Variants in ARMH4 observed in about 807,000 individuals in gnomAD.
ARMH4 encodes the protein armadillo like helical domain containing 4, also known as armadillo-like helical domain-containing protein 4.
A neutral mutation model predicts 61.9 loss-of-function variants in ARMH4; 49 were observed. The observed-to-expected ratio is 0.79, with a 90% CI of 0.63 to 1.00. The LOEUF is 1.00. ARMH4 is among the 50% of genes least tolerant of loss of function. The pLI is 0.00. For missense variants in ARMH4, 934 were observed against 930.0 expected (o/e 1.00, Z -0.06); for synonymous variants, 368 against 341.5 (o/e 1.08, Z -0.85).
At chr14:58,007,851 A>C (rs1882236812) in intron 6 of ARMH4, among the ~76,000 whole-genome samples, 1 of 152,216 alleles carries the variant, frequency 6.6e-6, no homozygotes, top group South Asian at 2.1e-4. Context: ...CCTGAATCTA[A>C]TCATGAGAAA....
At chr14:58,084,320 T>C (rs1195381999) in intron 5 of ARMH4, among the ~76,000 whole-genome samples, 7 of 152,216 alleles carry the variant, frequency 4.6e-5, no homozygotes, top group African/African-American at 1.4e-4. Flanking sequence ...TGCTGGATCC[T>C]GAGCTGTTAG....
chr14:58,087,107 G>T (rs577237796), intron 5 of ARMH4, among the ~76,000 whole-genome samples: 2 of 152,236 alleles, frequency 1.3e-5, no homozygotes, highest in Admixed American at 1.3e-4. Flanking sequence ...CTAATTTCCT[G>T]ATTTAAATCT....
chr14:58,098,323 A>T (rs1337123850), intron 4 of ARMH4, among the ~76,000 whole-genome samples: 6 of 152,192 alleles, frequency 3.9e-5, no homozygotes, highest in Non-Finnish European at 5.9e-5. Flanking sequence ...TAAAAATTCA[A>T]CAAATATGTA....
At chr14:58,046,658 G>C (rs1394925100) in intron 5 of ARMH4, among the ~76,000 whole-genome samples, 3 of 152,178 alleles carry the variant, frequency 2.0e-5, no homozygotes, top group African/African-American at 7.2e-5. Context: ...CTAAGTGTCT[G>C]TATTTTTAAC....
At chr14:58,075,296 T>C (rs1449060855) in intron 5 of ARMH4, among the ~76,000 whole-genome samples, 1 of 152,114 alleles carries the variant, frequency 6.6e-6, no homozygotes, top group East Asian at 1.9e-4. Flanking sequence ...CCATAAAGAC[T>C]CATGCACACA....
chr14:58,088,093 C>T lies in ARMH4; in HGVS notation c.2089+8631G>A, dbSNP rs143310916. Among the ~76,000 whole-genome samples the T allele has an allele frequency of 3.2e-3, 494 of 152,234 alleles. 2 individuals carry two copies. The highest frequency in any genetic ancestry group is 0.011 in the African/African-American group (455 of 41,544). On this transcript the variant is annotated intron_variant, in intron 5 of 7. Transcript: ENST00000267485. ...TATTTAACCTATTTATAACCTACGT[C>T]ATGCTAAAAAGAGGATTTGGAGTTT...
chr14:58,116,393 G>A, intron 4 of ARMH4: 1 of 379,922 alleles, frequency 2.6e-6, no homozygotes. Context: ...ATATTTTCTT[G>A]GCTGGGTGCA....
chr14:58,046,086 T>G (rs535041368), intron 5 of ARMH4, among the ~76,000 whole-genome samples: 49 of 152,308 alleles, frequency 3.2e-4, no homozygotes, highest in African/African-American at 1.2e-3. Flanking sequence ...CCACCCAGTT[T>G]ATGGTCTTTT....
At chr14:58,009,286 CA>C (rs1882297897) in intron 6 of ARMH4, among the ~76,000 whole-genome samples, 1 of 152,106 alleles carries the variant, frequency 6.6e-6, no homozygotes, top group Non-Finnish European at 1.5e-5. Flanking sequence ...TTAAGAATGA[CA>C]GTGCTTTTAT....
chr14:58,107,644 G>C (rs1412632717), intron 4 of ARMH4, among the ~76,000 whole-genome samples: 2 of 151,676 alleles, frequency 1.3e-5, no homozygotes, highest in African/African-American at 2.4e-5. Flanking sequence ...CACGCCCTTA[G>C]TCCCAGCTAC....
At chr14:58,050,558 T>C (rs778500584) in intron 5 of ARMH4, among the ~76,000 whole-genome samples, 13 of 152,150 alleles carry the variant, frequency 8.5e-5, no homozygotes, top group Middle Eastern at 3.4e-3. Flanking sequence ...CCCAGAGCAA[T>C]AGGCCTGAAG....
intron 5 of ARMH4, among the ~76,000 whole-genome samples, chr14:58,061,361 T>C (rs1884524946): frequency 6.6e-6 from 1 of 152,152 alleles, no homozygotes. Flanking sequence ...CTCCTACTAG[T>C]GATAACCATT....
At chr14:58,031,290 G>C (rs748481760) in intron 5 of ARMH4, among the ~76,000 whole-genome samples, 2 of 152,112 alleles carry the variant, frequency 1.3e-5, no homozygotes, top group Admixed American at 6.5e-5. Context: ...ATACTTTTAT[G>C]AGTTGCCTAT....
chr14:58,077,934 C>G (rs1434333301), intron 5 of ARMH4, among the ~76,000 whole-genome samples: 1 of 152,208 alleles, frequency 6.6e-6, no homozygotes, highest in Non-Finnish European at 1.5e-5. Flanking sequence ...TCAGGAACTA[C>G]TACCAATTGT....
chr14:58,099,280 G>A (rs751230234), intron 4 of ARMH4, among the ~76,000 whole-genome samples: 6 of 152,164 alleles, frequency 3.9e-5, no homozygotes, highest in Admixed American at 6.5e-5. Context: ...AATATAGACA[G>A]AAAGGGAAAT....
At chr14:58,085,722 G>A (rs568417193) in intron 5 of ARMH4, among the ~76,000 whole-genome samples, 18 of 152,228 alleles carry the variant, frequency 1.2e-4, no homozygotes, top group Middle Eastern at 3.4e-3. Context: ...CACACAGATC[G>A]TAAGAAGAAA....
At chr14:58,123,127 A>C (rs1055050558) in intron 4 of ARMH4, among the ~76,000 whole-genome samples, 1 of 151,888 alleles carries the variant, frequency 6.6e-6, no homozygotes, top group East Asian at 1.9e-4. Context: ...GAGGAGCTTT[A>C]CTCTTTTCAC....
At chr14:58,093,348 C>T (rs1221355915) in intron 5 of ARMH4, among the ~76,000 whole-genome samples, 1 of 152,084 alleles carries the variant, frequency 6.6e-6, no homozygotes, top group Non-Finnish European at 1.5e-5. Flanking sequence ...CACATACCAC[C>T]CTCAGCTAAC....
At chr14:58,122,066 GA>G (rs1357365105) in intron 4 of ARMH4, among the ~76,000 whole-genome samples, 1 of 152,104 alleles carries the variant, frequency 6.6e-6, no homozygotes, top group Admixed American at 6.5e-5. Flanking sequence ...AGTGAAATCA[GA>G]ATCCAAAGCA....
Sources: allele counts gnomAD v4.1 joint callset (sites outside exome capture counted in the v4.1 genomes callset), GRCh38; gene constraint gnomAD v4.1.1; transcripts MANE v1.5; gene names NCBI Gene and HGNC (gene_info 2026-07-23, HGNC 2026-07-21).